FCHSD2: variants seen among roughly 807,000 people sequenced by gnomAD.
FCHSD2 encodes the protein F-BAR and double SH3 domains protein 2.
In FCHSD2, 38 loss-of-function variants were observed where a neutral mutation model predicts 108.1. The ratio of observed to expected loss-of-function variants is 0.35; its 90% confidence interval spans 0.27 to 0.46. FCHSD2 has a LOEUF of 0.46. Ranked by LOEUF, FCHSD2 falls within the 20% of genes least tolerant of loss-of-function variation. FCHSD2 has a pLI of 1.00. For missense variants in FCHSD2, 751 were observed against 897.8 expected (o/e 0.84, Z 2.09); for synonymous variants, 279 against 314.7 (o/e 0.89, Z 1.20).
intron 8 of FCHSD2, among the ~76,000 whole-genome samples, chr11:72,944,848 G>T (rs1856487803): frequency 1.3e-5 from 2 of 152,184 alleles, no homozygotes; most frequent in Non-Finnish European, 2.9e-5. Flanking sequence ...TACAAGGGAT[G>T]TGAAGGACCT....
chr11:72,973,888 A>G (rs769038405), intron 8 of FCHSD2, among the ~76,000 whole-genome samples: 1 of 152,222 alleles, frequency 6.6e-6, no homozygotes, highest in Non-Finnish European at 1.5e-5. Flanking sequence ...AGTAACCACA[A>G]CACAGAAGCC....
rs1014123907 is a variant in FCHSD2, at chr11:73,050,948, A to C, written c.165+32747T>G. On this transcript the variant is annotated intron_variant, in intron 3 of 19. Transcript: ENST00000409418. ...TTACTGATACATAACAGGCAAGTAC[A>C]GAAATTGAGAGTAAGCATTTAGAAA... 2.6e-5 allele frequency among the ~76,000 whole-genome samples: 4 copies of C among 152,244 alleles called. No homozygotes were observed. The East Asian group carries it at 5.8e-4, about 22-fold the overall frequency.
At chr11:72,862,739 T>G (rs1311204767) in intron 13 of FCHSD2, among the ~76,000 whole-genome samples, 2 of 152,182 alleles carry the variant, frequency 1.3e-5, no homozygotes, top group African/African-American at 4.8e-5. Flanking sequence ...TAAATTCATA[T>G]GGACATGCAA....
intron 18 of FCHSD2, among the ~76,000 whole-genome samples, chr11:72,841,194 T>C (rs761340506): frequency 1.5e-4 from 23 of 151,536 alleles, no homozygotes; most frequent in Non-Finnish European, 2.7e-4. Flanking sequence ...ATTAGCTGTG[T>C]GTGGTGGTGC....
At chr11:72,969,333 T>C (rs951845335) in intron 8 of FCHSD2, among the ~76,000 whole-genome samples, 15 of 152,362 alleles carry the variant, frequency 9.8e-5, no homozygotes, top group African/African-American at 2.6e-4. Flanking sequence ...GTTATTTATA[T>C]CAGGAATAAA....
intron 8 of FCHSD2, among the ~76,000 whole-genome samples, chr11:72,937,286 T>C (rs1591414712): frequency 1.3e-5 from 2 of 152,360 alleles, no homozygotes; most frequent in South Asian, 2.1e-4. Flanking sequence ...AAAAAAATTC[T>C]TGGCATTTCA....
chr11:73,131,699 G>A (rs1378287009), intron 2 of FCHSD2, among the ~76,000 whole-genome samples: 24 of 145,258 alleles, frequency 1.7e-4, no homozygotes, highest in African/African-American at 5.6e-4. Context: ...CCAAGACTAT[G>A]TCTCAAAAAA....
At chr11:73,074,845 G>A (rs767789053) in intron 3 of FCHSD2, among the ~76,000 whole-genome samples, 9 of 152,060 alleles carry the variant, frequency 5.9e-5, no homozygotes, top group Admixed American at 1.3e-4. Flanking sequence ...TCAGGAGTTC[G>A]AGGCTGTAGT....
rs1054988046 is a variant in FCHSD2 at position 73,053,788 on chromosome 11, G to A, written c.165+29907C>T. 3.3e-5 allele frequency among the ~76,000 whole-genome samples: 5 copies of A among 152,056 alleles called. No homozygotes were observed. The East Asian group carries it at 5.8e-4, about 18-fold the overall frequency. ...ACAAAAAAGTTATGACTATAGCAGC[G>A]ATTCTCTATATTAATAGAAGATATC... On this transcript the variant is annotated intron_variant, in intron 3 of 19. Transcript: ENST00000409418.
intron 8 of FCHSD2, among the ~76,000 whole-genome samples, chr11:72,963,808 C>T (rs1856857919): frequency 6.6e-6 from 1 of 152,204 alleles, no homozygotes; most frequent in African/African-American, 2.4e-5. Flanking sequence ...GTAATGCTCA[C>T]TGGCCCTCGG....
At chr11:73,105,871 G>A (rs1860330211) in intron 2 of FCHSD2, among the ~76,000 whole-genome samples, 1 of 152,168 alleles carries the variant, frequency 6.6e-6, no homozygotes, top group African/African-American at 2.4e-5. Flanking sequence ...TGAAGAAAAA[G>A]CATTGTATTT....
intron 9 of FCHSD2, among the ~76,000 whole-genome samples, chr11:72,921,354 C>T (rs1436559291): frequency 5.9e-5 from 9 of 152,094 alleles, no homozygotes; most frequent in Admixed American, 3.3e-4. Context: ...TTAAATGAAA[C>T]GACTGCTGTC....
chr11:73,105,251 A>G (rs1565412619), intron 2 of FCHSD2, among the ~76,000 whole-genome samples: 1 of 152,214 alleles, frequency 6.6e-6, no homozygotes, highest in Non-Finnish European at 1.5e-5. Flanking sequence ...TTTCCACAAT[A>G]ATGTGCTATA....
At chr11:73,051,096 G>C (rs1246527570) in intron 3 of FCHSD2, among the ~76,000 whole-genome samples, 1 of 152,162 alleles carries the variant, frequency 6.6e-6, no homozygotes, top group African/African-American at 2.4e-5. Flanking sequence ...TGGGAGGATC[G>C]CTTGAATCCA....
chr11:73,043,516 C>A (rs972882286), intron 3 of FCHSD2, among the ~76,000 whole-genome samples: 1 of 152,130 alleles, frequency 6.6e-6, no homozygotes, highest in African/African-American at 2.4e-5. Context: ...TTATTGTTGT[C>A]TTTAAAAACT....
chr11:72,911,932 CTTGAT>C (rs565353750), intron 9 of FCHSD2, among the ~76,000 whole-genome samples: 3 of 152,170 alleles, frequency 2.0e-5, no homozygotes, highest in African/African-American at 7.2e-5. Flanking sequence ...ACATTACTTT[CTTGAT>C]TTATTTTTCA....
intron 10 of FCHSD2, among the ~76,000 whole-genome samples, chr11:72,891,510 A>C (rs1407885185): frequency 1.3e-5 from 2 of 152,220 alleles, no homozygotes; most frequent in African/African-American, 4.8e-5. Context: ...GAACTTTACT[A>C]TTATATTTTG....
At chr11:73,094,214 T>C (rs1860024665) in intron 2 of FCHSD2, among the ~76,000 whole-genome samples, 1 of 151,626 alleles carries the variant, frequency 6.6e-6, no homozygotes, top group Non-Finnish European at 1.5e-5. Context: ...CTTGTCTCCC[T>C]GCACCAAAAA....
chr11:72,849,279 C>A (rs977278464), intron 14 of FCHSD2, among the ~76,000 whole-genome samples: 2 of 152,214 alleles, frequency 1.3e-5, no homozygotes, highest in South Asian at 4.1e-4. Context: ...GGCTGGACAT[C>A]GTCCTCGGGG....
Sources: allele counts gnomAD v4.1 joint callset (sites outside exome capture counted in the v4.1 genomes callset), GRCh38; gene constraint gnomAD v4.1.1; transcripts MANE v1.5; gene names NCBI Gene and HGNC (gene_info 2026-07-23, HGNC 2026-07-21).